The following GLYATL1 variants were observed in gnomAD, a reference collection of about 807,000 sequenced individuals.
GLYATL1 encodes glycine-N-acyltransferase like 1.
Under a neutral mutation model 20.0 loss-of-function variants are expected in GLYATL1, and 15 were observed. The observed-to-expected ratio is 0.75, with a 90% confidence interval of 0.50 to 1.15. The LOEUF (loss-of-function observed/expected upper bound fraction) is 1.15. GLYATL1 is among the 50% of genes most tolerant of loss of function. The pLI, the probability that GLYATL1 is intolerant of heterozygous loss-of-function variation, is 0.00. For synonymous variants in GLYATL1, 151 were observed against 131.5 expected (o/e 1.15, Z -1.01); for missense variants, 380 against 368.5 (o/e 1.03, Z -0.26).
exon 2 of GLYATL1, chr11:58,907,455 A>AT (rs1854926282): frequency 2.6e-5 from 11 of 424,076 alleles, no homozygotes; most frequent in South Asian, 1.8e-4. Flanking sequence ...GCAAACCATT[A>AT]TTTCATGTAT....
upstream of GLYATL1, chr11:58,935,641 C>A (rs1002299760): frequency 1.4e-4 from 21 of 152,150 alleles, no homozygotes; most frequent in African/African-American, 5.1e-4. Flanking sequence ...GGCATCCAAT[C>A]AGATTTCTAT....
intron 1 of GLYATL1, among the ~76,000 whole-genome samples, chr11:58,919,744 G>C (rs1855263458): frequency 6.6e-6 from 1 of 152,152 alleles, no homozygotes; most frequent in Non-Finnish European, 1.5e-5. Context: ...AATTCCCGGG[G>C]TTCGGGTAGG....
intron 4 of GLYATL1, among the ~76,000 whole-genome samples, chr11:58,952,724 G>A (rs967220649): frequency 6.6e-6 from 1 of 152,080 alleles, no homozygotes; most frequent in African/African-American, 2.4e-5. Flanking sequence ...CCACCCTCTG[G>A]TAGTCCACAC....
Position 58,947,845 on chromosome 11 carries a change from A to G in GLYATL1, c.79-13A>G, listed in dbSNP as rs776102993. The G allele has an allele frequency of 1.2e-5, 19 of 1,577,438 alleles. No homozygotes were observed. The highest frequency in any genetic ancestry group is 1.7e-4 in the Middle Eastern group (1 of 5,974). ...ATCTCAACCTCTCCTGGTCCCTTTC[A>G]TCCCTCCTTCAGGTGTATGGCTCTG... On this transcript the variant is annotated splice_polypyrimidine_tract_variant and intron_variant, in intron 3 of 6. Coordinates refer to ENST00000532726, the MANE Select transcript of GLYATL1 (RefSeq NM_001389712.2).
At chr11:58,917,406 C>T (rs1461096814) in intron 1 of GLYATL1, 1 of 152,216 alleles carries the variant, frequency 6.6e-6, no homozygotes, top group African/African-American at 2.4e-5. Flanking sequence ...CAGCACTTGA[C>T]TTTTATACAC....
intron 1 of GLYATL1, among the ~76,000 whole-genome samples, chr11:58,942,319 C>G (rs1856216314): frequency 6.6e-6 from 1 of 152,130 alleles, no homozygotes; most frequent in African/African-American, 2.4e-5. Flanking sequence ...CAGAAGAAAG[C>G]AATATCTCTA....
intron 1 of GLYATL1, among the ~76,000 whole-genome samples, chr11:58,940,753 A>C (rs1856081848): frequency 6.6e-6 from 1 of 152,182 alleles, no homozygotes; most frequent in East Asian, 1.9e-4. Flanking sequence ...TGTCACCAGG[A>C]GTTGGAGATA....
At chr11:58,942,689 A>T (rs1856249871) in intron 1 of GLYATL1, 1 of 152,216 alleles carries the variant, frequency 6.6e-6, no homozygotes, top group Non-Finnish European at 1.5e-5. Context: ...ACAGGCCGTT[A>T]GATACATATG....
At chr11:58,926,299 T>C (rs1034513416), upstream of GLYATL1, among the ~76,000 whole-genome samples, 4 of 152,184 alleles carry the variant, frequency 2.6e-5, no homozygotes, top group African/African-American at 9.7e-5. Context: ...TGGCTAGGCC[T>C]AGCAGTGATG....
At chr11:58,923,330 G>A (rs537177944), upstream of GLYATL1, among the ~76,000 whole-genome samples, 8 of 152,324 alleles carry the variant, frequency 5.3e-5, no homozygotes, top group South Asian at 1.0e-3. Context: ...TAAAGTCACA[G>A]GGGAGCTGCC....
chr11:58,931,312 G>T (rs1294498024), intron 1 of GLYATL1, among the ~76,000 whole-genome samples: 1 of 152,106 alleles, frequency 6.6e-6, no homozygotes, highest in Non-Finnish European at 1.5e-5. Flanking sequence ...CCATCCTACT[G>T]CAGTGTGATC....
chr11:58,936,639 C>T (rs572417), upstream of GLYATL1, among the ~76,000 whole-genome samples: 146,778 of 152,320 alleles, frequency 0.96, 70,932 homozygotes, highest in East Asian at 1. Flanking sequence ...GAACAGGAGA[C>T]GAAAGAATCA....
chr11:58,944,021 C>G (rs1856383309), intron 2 of GLYATL1, among the ~76,000 whole-genome samples: 1 of 151,420 alleles, frequency 6.6e-6, no homozygotes, highest in African/African-American at 2.4e-5. Flanking sequence ...TCAAGAGAAC[C>G]TAAGAATAAA....
chr11:58,920,483 C>T (rs908547088), intron 1 of GLYATL1, among the ~76,000 whole-genome samples: 2 of 152,156 alleles, frequency 1.3e-5, no homozygotes, highest in African/African-American at 4.8e-5. Context: ...ACTGCATGCC[C>T]CTCTTGGCGT....
At chr11:58,929,876 A>G (rs1855536227) in intron 1 of GLYATL1, among the ~76,000 whole-genome samples, 1 of 152,218 alleles carries the variant, frequency 6.6e-6, no homozygotes, top group Non-Finnish European at 1.5e-5. Context: ...TTTCACCTGC[A>G]TCATGGCCTA....
At chr11:58,945,684 T>C (rs1590799266) in intron 2 of GLYATL1, among the ~76,000 whole-genome samples, 1 of 151,498 alleles carries the variant, frequency 6.6e-6, no homozygotes, top group African/African-American at 2.4e-5. Flanking sequence ...TTAAATCAGG[T>C]GAGAAACAGA....
chr11:58,940,346 C>T (rs574457793), intron 1 of GLYATL1, among the ~76,000 whole-genome samples: 1 of 152,324 alleles, frequency 6.6e-6, no homozygotes, highest in Admixed American at 6.5e-5. Flanking sequence ...AAAGTTCAGC[C>T]ATGTGAACAT....
chr11:58,947,270 A>C (rs1856637936), intron 3 of GLYATL1, 105 bp downstream of exon 3: 1 of 1,452,410 alleles, frequency 6.9e-7, no homozygotes, highest in Non-Finnish European at 9.1e-7. Context: ...AGAGGGTTGG[A>C]GCTGGGAAAC....
chr11:58,940,168 G>T (rs1856038091), intron 1 of GLYATL1, among the ~76,000 whole-genome samples: 1 of 152,190 alleles, frequency 6.6e-6, no homozygotes, highest in South Asian at 2.1e-4. Flanking sequence ...CTTTTGTGCT[G>T]CTGCTGTTGG....
Sources: gnomAD v4.1 joint callset for allele counts (sites outside exome capture counted in the v4.1 genomes callset) on GRCh38, gnomAD v4.1.1 for gene constraint, MANE v1.5 for transcripts, NCBI Gene and HGNC (gene_info 2026-07-23, HGNC 2026-07-21) for gene names.